Variants in CFAP61 observed in about 807,000 individuals in gnomAD.
CFAP61 encodes cilia and flagella associated protein 61.
In CFAP61, 107 loss-of-function variants were observed where a neutral mutation model predicts 135.6. That is an observed-to-expected ratio of 0.79 (90% CI 0.67 to 0.93). The LOEUF is 0.93. CFAP61 is among the 40% of genes least tolerant of loss of function. CFAP61 has a pLI of 0.00. For synonymous variants in CFAP61, 575 were observed against 578.5 expected (o/e 0.99, Z 0.09); for missense variants, 1,507 against 1,556.2 (o/e 0.97, Z 0.53).
At chr20:20,168,656 A>G (rs1365479659) in intron 12 of CFAP61, among the ~76,000 whole-genome samples, 13 of 152,202 alleles carry the variant, frequency 8.5e-5, no homozygotes, top group Non-Finnish European at 1.5e-5. Flanking sequence ...TTTAAAATTT[A>G]GTTCCTCCGC....
chr20:20,228,423 A>C, intron 18 of CFAP61, 47 bp downstream of exon 18: 1 of 1,516,346 alleles, frequency 6.6e-7, no homozygotes, highest in South Asian at 1.2e-5. Context: ...AATAATAAAA[A>C]TTATCTTCCT....
intron 18 of CFAP61, among the ~76,000 whole-genome samples, chr20:20,235,576 A>G (rs1405211353): frequency 6.6e-6 from 1 of 152,166 alleles, no homozygotes; most frequent in East Asian, 1.9e-4. Context: ...AAGCAAAGGC[A>G]TCATACACCC....
At chr20:20,289,258 G>T (rs904496767) in intron 23 of CFAP61, among the ~76,000 whole-genome samples, 3 of 152,174 alleles carry the variant, frequency 2.0e-5, no homozygotes, top group Admixed American at 6.5e-5. Context: ...ATGATGGTTT[G>T]CCCTGACATC....
chr20:20,150,246 T>C (rs2146771633), intron 9 of CFAP61, among the ~76,000 whole-genome samples: 1 of 152,134 alleles, frequency 6.6e-6, no homozygotes, highest in South Asian at 2.1e-4. Flanking sequence ...TGCCTATTCC[T>C]ACCCACACCT....
intron 17 of CFAP61, among the ~76,000 whole-genome samples, chr20:20,227,372 A>G (rs1383261486): frequency 1.3e-5 from 2 of 152,218 alleles, no homozygotes; most frequent in Non-Finnish European, 2.9e-5. Context: ...AGTCAGCTGT[A>G]ATCTTTGTCA....
chr20:20,343,905 G>T (rs1015137964), intron 26 of CFAP61, among the ~76,000 whole-genome samples: 2 of 152,186 alleles, frequency 1.3e-5, no homozygotes, highest in African/African-American at 4.8e-5. Context: ...ACGGATATTT[G>T]CTGTGGACCC....
At position 20,142,942 on chromosome 20, in the gene CFAP61, C is replaced by G. The variant is rs779488092; in HGVS notation, c.945C>G (p.Asn315Lys). The change falls in exon 9 of 27, where the codon AAC becomes AAG. Residue 315 changes from asparagine (N) to lysine (K), a missense_variant. Coordinates refer to ENST00000245957, the MANE Select transcript of CFAP61 (RefSeq NM_015585.4). The part of the protein sequence containing the change: ...QEPVSPDTME[N>K]IQGNIAREAA... ...CTGTCTCTCCAGATACCATGGAAAA[C>G]ATCCAGGTGAGAGAGACTATCCCTC... The G allele has an allele frequency of 2.4e-5, 38 of 1,581,280 alleles. No individual in the cohort carries two copies. In the South Asian group the frequency reaches 4.3e-4, roughly 18 times the overall value.
chr20:20,074,719 T>TA (rs2045938774), intron 4 of CFAP61, among the ~76,000 whole-genome samples: 1 of 152,188 alleles, frequency 6.6e-6, no homozygotes, highest in Non-Finnish European at 1.5e-5. Context: ...AAATGTTTAT[T>TA]AACATGACAG....
At chr20:20,108,456 A>G (rs957512861) in intron 8 of CFAP61, among the ~76,000 whole-genome samples, 6 of 152,220 alleles carry the variant, frequency 3.9e-5, no homozygotes, top group African/African-American at 9.6e-5. Flanking sequence ...CCTTAGATAG[A>G]TATGCAGAAG....
At chr20:20,208,681 G>T (rs999162495) in intron 17 of CFAP61, among the ~76,000 whole-genome samples, 1 of 152,216 alleles carries the variant, frequency 6.6e-6, no homozygotes, top group Non-Finnish European at 1.5e-5. Context: ...ACTCCATGAT[G>T]CAGGAGATGC....
At chr20:20,298,128 A>C (rs2055783129) in intron 24 of CFAP61, 53 bp from the exon 25 acceptor site, 4 of 1,324,450 alleles carry the variant, frequency 3.0e-6, no homozygotes, top group East Asian at 2.3e-5. Flanking sequence ...TAAAGTTCCC[A>C]AAATCCAGGA....
rs1326111118 is a variant in CFAP61, at chr20:20,228,335, A to G, written c.2019A>G (p.Ala673=). 5 of 1,612,154 alleles carry G rather than the reference A, an allele frequency of 3.1e-6. No individual in the cohort carries two copies. Among genetic ancestry groups the G allele is most frequent in the Non-Finnish European group, 4.2e-6 (5 of 1,178,406 alleles). ...ATGCCAAGATCATTGTGGTTGGTGC[A>G]TCCAGTGTTGGAATTTCCTTCCTAG... ...TVNAKIIVVG[A]SSVGISFLET... is the part of the protein sequence containing the mutation. Residue 673 remains alanine, a synonymous_variant, in exon 18 of 27, where the codon GCA becomes GCG. Transcript: ENST00000245957.
At chr20:20,147,730 A>G (rs551763971) in intron 9 of CFAP61, among the ~76,000 whole-genome samples, 1 of 152,114 alleles carries the variant, frequency 6.6e-6, no homozygotes, top group Non-Finnish European at 1.5e-5. Context: ...TGCTGTGCAG[A>G]AACTTTTTAG....
At chr20:20,346,309 G>T (rs1241479468) in intron 26 of CFAP61, among the ~76,000 whole-genome samples, 1 of 150,266 alleles carries the variant, frequency 6.7e-6, no homozygotes, top group African/African-American at 2.4e-5. Context: ...CCGAGGTCAG[G>T]AGTTCGAGAC....
chr20:20,150,697 G>T (rs2052335535), intron 9 of CFAP61, among the ~76,000 whole-genome samples: 1 of 152,190 alleles, frequency 6.6e-6, no homozygotes, highest in Admixed American at 6.5e-5. Flanking sequence ...GGTATTCATG[G>T]TTGGGAGACC....
chr20:20,136,458 A>G (rs1226305581), intron 8 of CFAP61, among the ~76,000 whole-genome samples: 1 of 151,996 alleles, frequency 6.6e-6, no homozygotes, highest in Non-Finnish European at 1.5e-5. Context: ...CTGACTGTTA[A>G]CTTTAAAATA....
chr20:20,091,241 C>G (rs2047177044), intron 7 of CFAP61, among the ~76,000 whole-genome samples: 1 of 152,176 alleles, frequency 6.6e-6, no homozygotes, highest in Non-Finnish European at 1.5e-5. Flanking sequence ...ATGGAAAAGA[C>G]CCCCCAGGGG....
intron 22 of CFAP61, 90 bp from the exon 23 acceptor site, chr20:20,288,519 A>G: frequency 1.0e-6 from 1 of 991,464 alleles, no homozygotes. Flanking sequence ...TGTGCCCCGA[A>G]TAATAAAATG....
intron 11 of CFAP61, among the ~76,000 whole-genome samples, chr20:20,164,735 A>C (rs2053682170): frequency 6.6e-6 from 1 of 152,118 alleles, no homozygotes; most frequent in Non-Finnish European, 1.5e-5. Flanking sequence ...CTACCTCTTC[A>C]CCCTGTGTGT....
Sources: gnomAD v4.1 joint callset for allele counts (sites outside exome capture counted in the v4.1 genomes callset) on GRCh38, gnomAD v4.1.1 for gene constraint, MANE v1.5 for transcripts, NCBI Gene and HGNC (gene_info 2026-07-23, HGNC 2026-07-21) for gene names.